ATG4C: variants seen among roughly 807,000 people sequenced by gnomAD.
ATG4C encodes cysteine protease ATG4C.
A neutral mutation model predicts 57.6 loss-of-function variants in ATG4C; 56 were observed. That is an observed-to-expected ratio of 0.97 (90% CI 0.78 to 1.21). ATG4C has a LOEUF of 1.21. Among genes scored for constraint, ATG4C ranks in the 50% most tolerant of loss-of-function variants. ATG4C has a pLI of 0.00. For synonymous variants in ATG4C, 157 were observed against 174.1 expected, an observed-to-expected ratio of 0.90 and a Z score of 0.78; for missense variants, 595 against 529.8, an observed-to-expected ratio of 1.12 and a Z score of -1.21.
chr1:62,787,447 T>C lies in ATG4C; in HGVS notation c.-69+3174T>C, dbSNP rs75978553. 5.0e-4 allele frequency among the ~76,000 whole-genome samples: 75 copies of C among 148,738 alleles called. 1 individual carries two copies. The East Asian group carries it at 0.014, about 28-fold the overall frequency. Reference sequence around the variant, plus strand: ...AACTGGCATCTGGTTAAATTCTAACTTCATTCATTTGGTACATACATAAAT... The same window carrying C: ...AACTGGCATCTGGTTAAATTCTAACCTCATTCATTTGGTACATACATAAAT... On this transcript the variant is annotated intron_variant, in intron 1 of 10. Coordinates refer to ENST00000317868, the MANE Select transcript of ATG4C (RefSeq NM_032852.4).
intron 10 of ATG4C, among the ~76,000 whole-genome samples, chr1:62,843,687 CCAATT>C (rs1379223233): frequency 7.9e-5 from 12 of 152,060 alleles, no homozygotes; most frequent in Non-Finnish European, 1.5e-5. Context: ...AATTGTTAAA[CCAATT>C]CAGTGTTTAG....
At chr1:62,825,041 G>A (rs1665603264) in intron 6 of ATG4C, among the ~76,000 whole-genome samples, 1 of 152,024 alleles carries the variant, frequency 6.6e-6, no homozygotes, top group East Asian at 1.9e-4. Context: ...TTCGAGACCA[G>A]CCTGGCCAAT....
In ATG4C at chr1:62,816,627, A is replaced by G; in HGVS notation, c.213A>G (p.Val71=). 1.2e-6 allele frequency: 2 copies of G among 1,613,830 alleles called. No individual in the cohort carries two copies. The highest frequency in any genetic ancestry group is 1.7e-6 in the Non-Finnish European group (2 of 1,179,836). ...CGGGATGTACAATAGAGGATCACGTAATTGCAGGAAATGTAGAAGAATTTC... is the reference window on the plus strand; with the variant it reads ...CGGGATGTACAATAGAGGATCACGTGATTGCAGGAAATGTAGAAGAATTTC... The part of the protein sequence containing the change: ...AESGCTIEDH[V]IAGNVEEFRK... Residue 71 remains valine (V), a synonymous_variant, in exon 4 of 11, where the codon GTA becomes GTG. Coordinates refer to ENST00000317868, the MANE Select transcript of ATG4C (RefSeq NM_032852.4).
At chr1:62,819,623 C>G (rs1037459473) in intron 5 of ATG4C, among the ~76,000 whole-genome samples, 1 of 151,966 alleles carries the variant, frequency 6.6e-6, no homozygotes, top group African/African-American at 2.4e-5. Context: ...ATGCTCTAAA[C>G]ACTAACATCT....
intron 10 of ATG4C, among the ~76,000 whole-genome samples, chr1:62,847,384 T>C (rs889888600): frequency 2.4e-4 from 36 of 152,304 alleles, no homozygotes; most frequent in African/African-American, 8.7e-4. Flanking sequence ...CATGAACTTA[T>C]AGTCCAGTGG....
At chr1:62,792,745 G>T (rs1472914541) in intron 1 of ATG4C, among the ~76,000 whole-genome samples, 2 of 152,144 alleles carry the variant, frequency 1.3e-5, no homozygotes, top group African/African-American at 4.8e-5. Context: ...AGAAGTAAGT[G>T]TTCAGTCAGA....
intron 6 of ATG4C, among the ~76,000 whole-genome samples, chr1:62,823,472 TTTAGA>T (rs1443471211): frequency 1.3e-5 from 2 of 152,210 alleles, no homozygotes; most frequent in African/African-American, 4.8e-5. Flanking sequence ...TTCTCGTTGA[TTTAGA>T]TCAGACCCTT....
chr1:62,842,860 A>G (rs1666213567), intron 10 of ATG4C, among the ~76,000 whole-genome samples: 1 of 152,186 alleles, frequency 6.6e-6, no homozygotes, highest in Non-Finnish European at 1.5e-5. Context: ...GGTGAACATA[A>G]CAAAATATAT....
At chr1:62,845,071 A>G (rs1305804764) in intron 10 of ATG4C, among the ~76,000 whole-genome samples, 3 of 151,942 alleles carry the variant, frequency 2.0e-5, no homozygotes, top group Admixed American at 1.3e-4. Flanking sequence ...ATTCTTGTAC[A>G]TATCTCTTTG....
chr1:62,812,315 A>G (rs984963350), intron 3 of ATG4C, among the ~76,000 whole-genome samples: 4 of 152,246 alleles, frequency 2.6e-5, no homozygotes, highest in Admixed American at 2.0e-4. Flanking sequence ...GGCTGGTTCA[A>G]CATACACAAA....
At chr1:62,795,537 T>C (rs773202592) in intron 1 of ATG4C, among the ~76,000 whole-genome samples, 18 of 152,242 alleles carry the variant, frequency 1.2e-4, no homozygotes, top group Non-Finnish European at 2.5e-4. Flanking sequence ...AGTTTTCTTC[T>C]CTTTAATACT....
At chr1:62,832,847 A>G (rs937470133) in intron 7 of ATG4C, among the ~76,000 whole-genome samples, 8 of 152,198 alleles carry the variant, frequency 5.3e-5, no homozygotes, top group African/African-American at 1.9e-4. Flanking sequence ...CATATTATTA[A>G]TATAGATCTC....
chr1:62,814,818 A>T (rs1360260062), intron 3 of ATG4C, among the ~76,000 whole-genome samples: 1 of 152,086 alleles, frequency 6.6e-6, no homozygotes, highest in Non-Finnish European at 1.5e-5. Flanking sequence ...TAATCCCAAC[A>T]CTTTGGGAGT....
At chr1:62,795,111 C>T (rs1054007911) in intron 1 of ATG4C, among the ~76,000 whole-genome samples, 6 of 152,120 alleles carry the variant, frequency 3.9e-5, no homozygotes, top group Non-Finnish European at 5.9e-5. Flanking sequence ...CAGAGGTCTG[C>T]GGTGTTTTTA....
rs1665397583 is a variant in ATG4C, at chr1:62,819,212, T to G, written c.602T>G (p.Ile201Ser). The change falls in exon 5 of 11, where the codon ATC (isoleucine) becomes AGC (serine). Residue 201 changes from isoleucine (I) to serine (S), a missense_variant. Ile to Ser is a moderately radical substitution (Grantham distance 142). Transcript: ENST00000317868. ...MRNEVYHRKIISWFGDSPLAL... is the reference protein window; with the variant it reads ...MRNEVYHRKISSWFGDSPLAL... The stretch of plus-strand genomic sequence containing the variant: ...AATGAAGTTTATCATAGGAAAATCA[T>G]CTCTTGGTTTGGTGATTCCCCCTTG... 1 of 1,613,582 alleles carries G rather than the reference T, an allele frequency of 6.2e-7. No individual in the cohort carries two copies.
rs183852674 is a variant in ATG4C at position 62,815,513 on chromosome 1, A to G, written c.161-1062A>G. Among the ~76,000 whole-genome samples the G allele has an allele frequency of 2.2e-3, 331 of 152,268 alleles. 1 individual carries two copies. Among genetic ancestry groups the G allele is most frequent in the African/African-American group, 7.5e-3 (310 of 41,574 alleles). ...ACTATTATTTTGGTTTAAATAGTCA[A>G]ATATCCTTCAAAGAAGGTATCATGT... On this transcript the variant is annotated intron_variant, in intron 3 of 10. Transcript: ENST00000317868.
chr1:62,818,233 A>C (rs1310848624), intron 4 of ATG4C, among the ~76,000 whole-genome samples: 1 of 152,162 alleles, frequency 6.6e-6, no homozygotes, highest in Non-Finnish European at 1.5e-5. Context: ...ATAATGATTA[A>C]GTTATTCTGA....
chr1:62,846,243 C>G (rs1027044661), intron 10 of ATG4C, among the ~76,000 whole-genome samples: 2 of 152,158 alleles, frequency 1.3e-5, no homozygotes, highest in African/African-American at 4.8e-5. Flanking sequence ...TGAACATCCA[C>G]TTCACCCTCC....
intron 1 of ATG4C, among the ~76,000 whole-genome samples, chr1:62,785,778 T>C (rs74076988): frequency 0.018 from 2,762 of 152,270 alleles, 88 homozygotes; most frequent in African/African-American, 0.063. Flanking sequence ...CAATGTTAAA[T>C]TGGGATTATT....
Sources: gnomAD v4.1 joint callset for allele counts (sites outside exome capture counted in the v4.1 genomes callset) on GRCh38, gnomAD v4.1.1 for gene constraint, MANE v1.5 for transcripts, NCBI Gene and HGNC (gene_info 2026-07-23, HGNC 2026-07-21) for gene names.